Variants in ROBO2 observed in about 807,000 individuals in gnomAD.
ROBO2 encodes the protein roundabout homolog 2.
Under a neutral mutation model 160.8 loss-of-function variants are expected in ROBO2, and 53 were observed. The ratio of observed to expected loss-of-function variants is 0.33; its 90% CI spans 0.26 to 0.41. ROBO2 has a LOEUF of 0.41. Among genes scored for constraint, ROBO2 ranks in the 10% least tolerant of loss-of-function variants. The probability of loss-of-function intolerance (pLI) is 1.00; values close to 1 mark genes in which losing one functional copy is unlikely to be tolerated. For missense variants in ROBO2, 1,577 were observed against 1,722.4 expected (o/e 0.92, Z 1.49); for synonymous variants, 664 against 611.7 (o/e 1.09, Z -1.26).
At chr3:77,473,120 G>A (rs2083527171) in intron 2 of ROBO2, among the ~76,000 whole-genome samples, 1 of 151,976 alleles carries the variant, frequency 6.6e-6, no homozygotes, top group Non-Finnish European at 1.5e-5. Flanking sequence ...TTGAGGATGC[G>A]GTGTCTGATT....
intron 2 of ROBO2, among the ~76,000 whole-genome samples, chr3:77,215,512 G>T (rs1301069255): frequency 6.6e-6 from 1 of 151,948 alleles, no homozygotes; most frequent in Non-Finnish European, 1.5e-5. Context: ...TAACTTCTTT[G>T]CCATGGGTTT....
intron 9 of ROBO2, among the ~76,000 whole-genome samples, chr3:77,561,747 C>G (rs547377658): frequency 1.2e-4 from 18 of 152,174 alleles, no homozygotes; most frequent in Admixed American, 3.3e-4. Flanking sequence ...CATTTTTCCA[C>G]TACTGCAATT....
intron 2 of ROBO2, among the ~76,000 whole-genome samples, chr3:76,452,754 A>T (rs1476156711): frequency 2.0e-5 from 3 of 152,198 alleles, no homozygotes; most frequent in South Asian, 2.1e-4. Context: ...CGCCACACTG[A>T]CTTCCACAAT....
intron 2 of ROBO2, among the ~76,000 whole-genome samples, chr3:77,010,100 C>T (rs2061791326): frequency 6.6e-6 from 1 of 152,016 alleles, no homozygotes; most frequent in East Asian, 1.9e-4. Flanking sequence ...AAAGCCTATC[C>T]AAAGTATCAG....
intron 2 of ROBO2, among the ~76,000 whole-genome samples, chr3:76,482,861 A>G (rs1206748054): frequency 1.3e-5 from 2 of 152,128 alleles, no homozygotes; most frequent in African/African-American, 2.4e-5. Context: ...TTCATCTGCA[A>G]TTTCAAGCAA....
At chr3:77,200,031 G>C (rs533907120) in intron 2 of ROBO2, among the ~76,000 whole-genome samples, 13 of 151,184 alleles carry the variant, frequency 8.6e-5, no homozygotes, top group African/African-American at 2.9e-4. Context: ...GTGAATAAAA[G>C]AGCAGGATTT....
chr3:77,032,423 G>A (rs1026500231), intron 2 of ROBO2, among the ~76,000 whole-genome samples: 4 of 152,022 alleles, frequency 2.6e-5, no homozygotes, highest in African/African-American at 7.2e-5. Context: ...AATTTAAAAG[G>A]TATATTGCAG....
chr3:77,142,676 C>T (rs2076800901), intron 2 of ROBO2, among the ~76,000 whole-genome samples: 1 of 152,194 alleles, frequency 6.6e-6, no homozygotes, highest in South Asian at 2.1e-4. Flanking sequence ...TCCATCACCA[C>T]TCACACATGG....
chr3:76,396,887 G>A (rs1463609861), intron 2 of ROBO2, among the ~76,000 whole-genome samples: 1 of 152,096 alleles, frequency 6.6e-6, no homozygotes, highest in Non-Finnish European at 1.5e-5. Flanking sequence ...TTGTGGAAAT[G>A]GCCATACTGC....
chr3:77,014,792 G>A lies in ROBO2; in HGVS notation c.110-83222G>A, dbSNP rs1009631341. Among the ~76,000 whole-genome samples, 4 of 151,496 alleles carry A rather than the reference G, an allele frequency of 2.6e-5. No homozygotes were observed. In the East Asian group the frequency reaches 7.8e-4, roughly 29 times the overall value. On this transcript the variant is annotated intron_variant, in intron 2 of 26. Coordinates refer to the ROBO2 transcript ENST00000487694. ...GCCATTTGCAAGAGAGAGAGAGAGA[G>A]AGAAAGAAAGCCAGCTTACATGAAC...
rs2087194944 is a variant in ROBO2, at chr3:76,602,093, C to T, written c.110-495921C>T. 2.0e-5 allele frequency among the ~76,000 whole-genome samples: 3 copies of T among 152,180 alleles called. No individual in the cohort carries two copies. The South Asian group carries it at 6.2e-4, about 32-fold the overall frequency. On this transcript the variant is annotated intron_variant, in intron 2 of 26. Coordinates refer to the ROBO2 transcript ENST00000487694. ...CTTTGCTCCAGTTTCCAGCAGGTTC[C>T]TCATCTCCATCTGAGACTACCTCAG...
chr3:76,984,888 A>C (rs2060289592), intron 2 of ROBO2, among the ~76,000 whole-genome samples: 1 of 152,190 alleles, frequency 6.6e-6, no homozygotes. Flanking sequence ...TGATACACAA[A>C]AATATATAGC....
At chr3:75,951,821 CT>C (rs1232809480) in intron 2 of ROBO2, among the ~76,000 whole-genome samples, 1 of 151,878 alleles carries the variant, frequency 6.6e-6, no homozygotes, top group Non-Finnish European at 1.5e-5. Flanking sequence ...ATGTCCAAAT[CT>C]TTTTTTGAAC....
chr3:77,466,240 A>T (rs939342317), intron 2 of ROBO2, among the ~76,000 whole-genome samples: 8 of 152,310 alleles, frequency 5.3e-5, no homozygotes, highest in African/African-American at 1.7e-4. Flanking sequence ...GTCAAATTGG[A>T]TCTAATTCAG....
intron 2 of ROBO2, among the ~76,000 whole-genome samples, chr3:76,995,829 G>T (rs562003770): frequency 1.3e-5 from 2 of 152,118 alleles, no homozygotes; most frequent in African/African-American, 2.4e-5. Flanking sequence ...TTGTTTGAGT[G>T]CATTGTAGAT....
chr3:76,196,228 G>A (rs893957927), intron 2 of ROBO2, among the ~76,000 whole-genome samples: 3 of 152,132 alleles, frequency 2.0e-5, no homozygotes, highest in Non-Finnish European at 2.9e-5. Flanking sequence ...GCTGCAGTAA[G>A]GCTGATGATA....
rs4274785 is a variant in ROBO2, at chr3:76,999,073, G to C, written c.110-98941G>C. On this transcript the variant is annotated intron_variant, in intron 2 of 26. Coordinates refer to the ROBO2 transcript ENST00000487694. ...TCCAAATCCACAGGTCTTCTGTGCT[G>C]TGTATTCAGGCTTTCTGCTTGGAGT... 5.1e-3 allele frequency among the ~76,000 whole-genome samples: 773 copies of C among 152,048 alleles called. 9 individuals are homozygous for C. Among genetic ancestry groups the C allele is most frequent in the African/African-American group, 0.018 (733 of 41,486 alleles).
chr3:76,677,082 C>A (rs535519052), intron 2 of ROBO2, among the ~76,000 whole-genome samples: 1 of 147,510 alleles, frequency 6.8e-6, no homozygotes, highest in Non-Finnish European at 1.5e-5. Context: ...AGTTTCTAGG[C>A]AATTTTTTTT....
chr3:75,967,496 A>G (rs189907338), intron 2 of ROBO2, among the ~76,000 whole-genome samples: 67 of 151,706 alleles, frequency 4.4e-4, no homozygotes, highest in African/African-American at 1.6e-3. Context: ...ACCACATACT[A>G]CAATAACTAC....
Sources: allele counts gnomAD v4.1 joint callset (sites outside exome capture counted in the v4.1 genomes callset), GRCh38; gene constraint gnomAD v4.1.1; transcripts MANE v1.5; gene names NCBI Gene and HGNC (gene_info 2026-07-23, HGNC 2026-07-21).